PSMG4: variants seen among roughly 807,000 people sequenced by gnomAD.
PSMG4 encodes the protein proteasome assembly chaperone 4.
In PSMG4, 10 loss-of-function variants were observed where a neutral mutation model predicts 11.0. That is an observed-to-expected ratio of 0.91 (90% CI 0.56 to 1.54). PSMG4 has a LOEUF of 1.54. Among genes scored for constraint, PSMG4 ranks in the 40% most tolerant of loss-of-function variants. PSMG4 has a pLI of 0.00. For synonymous variants in PSMG4, 95 were observed against 71.3 expected (o/e 1.33, Z -1.68); for missense variants, 198 against 160.9 (o/e 1.23, Z -1.25).
At chr6:3,255,978 C>T (rs4997732), upstream of PSMG4, among the ~76,000 whole-genome samples, 103,716 of 151,988 alleles carry the variant, frequency 0.68, 38,643 homozygotes, top group Non-Finnish European at 0.83. Context: ...GATTCCACAT[C>T]TGCTATGGCA....
At chr6:3,264,459 C>G (rs1182926289) in intron 2 of PSMG4, 3 of 1,421,820 alleles carry the variant, frequency 2.1e-6, no homozygotes, top group Non-Finnish European at 2.8e-6. Flanking sequence ...TTCTCTGTGT[C>G]TCAGGCACAG....
At chr6:3,262,703 C>A (rs1669846799) in intron 1 of PSMG4, among the ~76,000 whole-genome samples, 1 of 152,106 alleles carries the variant, frequency 6.6e-6, no homozygotes, top group South Asian at 2.1e-4. Context: ...TTGCCACTTT[C>A]CAAGATTCTC....
Position 3,259,164 on chromosome 6 carries a change from C to G in PSMG4, c.142C>G (p.Arg48Gly), listed in dbSNP as rs1001465794. 1 of 1,309,308 alleles carries G rather than the reference C, an allele frequency of 7.6e-7. No individual in the cohort carries two copies. The highest frequency in any genetic ancestry group is 9.7e-7 in the Non-Finnish European group (1 of 1,029,348). 81.1% of individuals were successfully genotyped at this position (1,309,308 alleles called of 1,614,324 possible). A position where few individuals can be genotyped will look rare whatever the true frequency, so the allele number is the denominator to read the frequency against. ...GTGGGTGGGGGCCACGCCGCACCTG[C>G]GCAACCTCGCCGTGGCCATGTGCAG... The part of the protein sequence containing the change: ...FLWVGATPHL[R>G]NLAVAMCSRY... The change falls in exon 1 of 3, where the codon CGC (arginine) becomes GGC (glycine). Residue 48 changes from arginine to glycine, a missense_variant. Physicochemically the swap from Arg to Gly is moderately radical, Grantham distance 125 (BLOSUM62 -2). Transcript: ENST00000438998.
upstream of PSMG4, chr6:3,255,234 G>A (rs778257575): frequency 1.3e-6 from 2 of 1,549,310 alleles, no homozygotes; most frequent in East Asian, 2.4e-5. Context: ...ACTCTGGTAA[G>A]CCTTCCATGC....
upstream of PSMG4, chr6:3,255,162 TG>T (rs1757714666): frequency 6.4e-7 from 1 of 1,550,832 alleles, no homozygotes; most frequent in African/African-American, 1.4e-5. Context: ...AGGGCCATAC[TG>T]ACGGCTTACA....
upstream of PSMG4, chr6:3,254,988 T>C (rs929869800): frequency 1.7e-5 from 26 of 1,509,896 alleles, no homozygotes; most frequent in African/African-American, 2.8e-5. Context: ...GTGGATCCCA[T>C]GGACCTAGCG....
upstream of PSMG4, among the ~76,000 whole-genome samples, chr6:3,257,337 C>G (rs1757800072): frequency 6.6e-6 from 1 of 152,148 alleles, no homozygotes; most frequent in Non-Finnish European, 1.5e-5. Context: ...GACAGCAAAG[C>G]TGGAGAGAGA....
At chr6:3,258,940 G>A, upstream of PSMG4, 1 of 1,198,444 alleles carries the variant, frequency 8.3e-7, no homozygotes, top group Non-Finnish European at 1.0e-6. Context: ...TCGGTCTCTC[G>A]GTGCTCGCTC....
chr6:3,263,027 C>T (rs948025612), intron 1 of PSMG4, among the ~76,000 whole-genome samples: 1 of 152,158 alleles, frequency 6.6e-6, no homozygotes, highest in Admixed American at 6.5e-5. Flanking sequence ...TCCCACATCG[C>T]CGGAGGGCCC....
chr6:3,254,758 G>A (rs9503496), upstream of PSMG4, among the ~76,000 whole-genome samples: 3,684 of 152,168 alleles, frequency 0.024, 97 homozygotes, highest in African/African-American at 0.066. Context: ...TTTAAAAACT[G>A]TAATGCTCAC....
upstream of PSMG4, chr6:3,255,109 A>T (rs1372165210): frequency 8.4e-6 from 13 of 1,550,948 alleles, no homozygotes; most frequent in Middle Eastern, 3.3e-4. Flanking sequence ...TAGGAGCACA[A>T]CATCACCAGC....
chr6:3,256,610 T>TG (rs5873869), upstream of PSMG4, among the ~76,000 whole-genome samples: 4,801 of 152,272 alleles, frequency 0.032, 260 homozygotes, highest in African/African-American at 0.11. Context: ...ATAATGTTTT[T>TG]GGGGGGTGAC....
chr6:3,260,309 T>TTTTTTTTTTG (rs1757942138), intron 1 of PSMG4, among the ~76,000 whole-genome samples: 1 of 140,372 alleles, frequency 7.1e-6, no homozygotes, highest in Non-Finnish European at 1.5e-5. Context: ...TTTTTTTTTT[T>TTTTTTTTTTG]GAAGCAAAGT....
At chr6:3,254,933 C>T (rs1757698045), upstream of PSMG4, 8 of 1,169,694 alleles carry the variant, frequency 6.8e-6, no homozygotes, top group East Asian at 1.5e-4. Context: ...GCCATTCTCT[C>T]ACTGGGTGTC....
intron 1 of PSMG4, among the ~76,000 whole-genome samples, chr6:3,260,065 G>T (rs1757920073): frequency 6.6e-6 from 1 of 151,716 alleles, no homozygotes. Context: ...TCAGCCTCCC[G>T]AGTAGCTAGG....
At chr6:3,261,654 G>A (rs11242837) in intron 1 of PSMG4, among the ~76,000 whole-genome samples, 103,658 of 151,824 alleles carry the variant, frequency 0.68, 38,384 homozygotes, top group Non-Finnish European at 0.83. Context: ...GTGTGCCTGG[G>A]TGTTCTCTCC....
rs940465427 is a variant in PSMG4 at position 3,259,099 on chromosome 6, T to A, written c.77T>A (p.Val26Asp). ...NFSARLWEQL[V>D]HFHVMRLTDS... ...AGCGCGAGGCTGTGGGAGCAGCTGG[T>A]CCACTTCCACGTCATGCGGCTGACG... Residue 26 changes from valine to aspartate, a missense_variant, in exon 1 of 3, where the codon GTC becomes GAC. By Grantham distance (152) the Val-to-Asp change is radical. Transcript: ENST00000438998. 8.6e-6 allele frequency: 11 copies of A among 1,274,408 alleles called. No individual in the cohort carries two copies. The highest frequency in any genetic ancestry group is 1.1e-5 in the Non-Finnish European group (11 of 1,008,636). 78.9% of individuals were successfully genotyped at this position (1,274,408 alleles called of 1,614,324 possible). A position where few individuals can be genotyped will look rare whatever the true frequency, so the allele number is the denominator to read the frequency against.
upstream of PSMG4, among the ~76,000 whole-genome samples, chr6:3,257,049 CAG>C (rs1581543303): frequency 6.6e-6 from 1 of 152,100 alleles, no homozygotes; most frequent in Non-Finnish European, 1.5e-5. Flanking sequence ...TTCACTGTCA[CAG>C]AGTGAGCAGA....
intron 2 of PSMG4, 187 bp from the exon 3 acceptor site, chr6:3,267,404 G>T (rs1450559221): frequency 7.9e-6 from 4 of 505,894 alleles, no homozygotes; most frequent in Admixed American, 7.0e-5. Context: ...GGAGAGACTG[G>T]GAGAGGCCTG....
Sources: gnomAD v4.1 joint callset for allele counts (sites outside exome capture counted in the v4.1 genomes callset) on GRCh38, gnomAD v4.1.1 for gene constraint, MANE v1.5 for transcripts, NCBI Gene and HGNC (gene_info 2026-07-23, HGNC 2026-07-21) for gene names.